DPYSL2: variants seen among roughly 807,000 people sequenced by gnomAD.
DPYSL2 encodes dihydropyrimidinase-related protein 2.
A neutral mutation model predicts 69.9 loss-of-function variants in DPYSL2; 13 were observed. That is an observed-to-expected ratio of 0.19 (90% CI 0.12 to 0.30). The LOEUF (loss-of-function observed/expected upper bound fraction) is 0.30, where lower values mean the gene tolerates loss of function less well. Ranked by LOEUF, DPYSL2 falls within the 10% of genes least tolerant of loss-of-function variation. DPYSL2 has a pLI of 1.00. For missense variants in DPYSL2, 587 were observed against 918.9 expected (o/e 0.64, Z 4.67); for synonymous variants, 326 against 359.1 (o/e 0.91, Z 1.04).
In DPYSL2 at chr8:26,622,090, T is replaced by TTCCTTCC. The variant is rs1563413218; in HGVS notation, c.629-2052_629-2051insCCTTCCT. ...TTTCTTTTTTTTCTTTCTTTCTTTC[T>TTCCTTCC]TTCCTTCCTTCCTTCCTTCCTTCCT... is the stretch of plus-strand genomic sequence containing the variant. On this transcript the variant is annotated intron_variant, in intron 3 of 13. Coordinates refer to ENST00000521913, the MANE Select transcript of DPYSL2 (RefSeq NM_001197293.3). Among the ~76,000 whole-genome samples the TTCCTTCC allele has an allele frequency of 4.6e-3, 294 of 64,438 alleles. 3 individuals are homozygous for TTCCTTCC. The highest frequency in any genetic ancestry group is 0.012 in the East Asian group (25 of 2,062). 42.3% of individuals were successfully genotyped at this position (64,438 alleles called of 152,430 possible).
At chr8:26,549,643 G>C (rs1207177828) in intron 1 of DPYSL2, among the ~76,000 whole-genome samples, 1 of 152,106 alleles carries the variant, frequency 6.6e-6, no homozygotes, top group Admixed American at 6.6e-5. Context: ...GAAAATCAAA[G>C]ACAGAAAGAA....
rs753304614 is a variant in DPYSL2, at chr8:26,582,220, G to A, written c.443+163G>A. 6.6e-6 allele frequency among the ~76,000 whole-genome samples: 1 copy of A among 152,156 alleles called. No homozygotes were observed. Among genetic ancestry groups the A allele is most frequent in the African/African-American group, 2.4e-5 (1 of 41,426 alleles). On this transcript the variant is annotated intron_variant, in intron 2 of 13. Coordinates refer to ENST00000521913, the MANE Select transcript of DPYSL2 (RefSeq NM_001197293.3). This position sits in a 1 kb window ranked among gnomAD's most constrained non-coding sequence, Gnocchi z 4.1. ...TTGATTGGTGGTAATTAGTGAATTT[G>A]AAAACTCAAATTTAGGGAATTCAAA...
chr8:26,559,195 C>A (rs528085731), intron 1 of DPYSL2, among the ~76,000 whole-genome samples: 1 of 152,182 alleles, frequency 6.6e-6, no homozygotes, highest in Admixed American at 6.5e-5. Flanking sequence ...CACTCGCCTC[C>A]GCCTCCCAAA....
Position 26,640,598 on chromosome 8 carries a change from C to CAG in DPYSL2, c.1127-2837_1127-2836dup, listed in dbSNP as rs1461378315. Among the ~76,000 whole-genome samples, 1 of 152,112 alleles carries CAG rather than the reference C, an allele frequency of 6.6e-6. No individual in the cohort carries two copies. Reference sequence around the variant, plus strand: ...GCTCCAGACCACTGGGGATGGGAGGCAGAGACTCTATGTATAGATCATACT... The same window carrying CAG: ...GCTCCAGACCACTGGGGATGGGAGGCAGAGAGACTCTATGTATAGATCATACT... On this transcript the variant is annotated intron_variant, in intron 8 of 13. Coordinates refer to ENST00000521913, the MANE Select transcript of DPYSL2 (RefSeq NM_001197293.3). The surrounding 1 kb of genome is among the most constrained non-coding windows in gnomAD (Gnocchi z 4.2).
Position 26,654,378 on chromosome 8 carries a change from G to T in DPYSL2, c.1942+981G>T, listed in dbSNP as rs961299605. 1.3e-5 allele frequency among the ~76,000 whole-genome samples: 2 copies of T among 151,710 alleles called. No homozygotes were observed. The highest frequency in any genetic ancestry group is 4.8e-5 in the African/African-American group (2 of 41,254). ...ACATTCCACTCTTCCAGCTCCCTGG[G>T]CCACAGATTCCTATGGCGTATTAAA... is the stretch of plus-strand genomic sequence containing the variant. On this transcript the variant is annotated intron_variant, in intron 13 of 13. Transcript: ENST00000521913. The surrounding 1 kb of genome is among the most constrained non-coding windows in gnomAD (Gnocchi z 5.0).
chr8:26,543,584 T>C (rs1421237814), intron 1 of DPYSL2, among the ~76,000 whole-genome samples: 3 of 150,174 alleles, frequency 2.0e-5, no homozygotes, highest in Non-Finnish European at 3.0e-5. Context: ...GCCTCCAGGG[T>C]TCAAGCGATT....
intron 3 of DPYSL2, among the ~76,000 whole-genome samples, chr8:26,607,963 G>C (rs893276886): frequency 1.3e-5 from 2 of 151,598 alleles, no homozygotes; most frequent in African/African-American, 4.8e-5. Context: ...TGTAGTCCTA[G>C]CTACTCAAGA....
chr8:26,594,258 G>A (rs1246200861), intron 3 of DPYSL2, among the ~76,000 whole-genome samples: 1 of 152,094 alleles, frequency 6.6e-6, no homozygotes, highest in African/African-American at 2.4e-5. Flanking sequence ...TAATCATTGT[G>A]ACACCTTTGG....
intron 1 of DPYSL2, among the ~76,000 whole-genome samples, chr8:26,526,891 G>A (rs920664197): frequency 5.3e-5 from 8 of 152,116 alleles, no homozygotes; most frequent in African/African-American, 1.9e-4. Context: ...GGAAGTGAGG[G>A]TGTCCTCTGG....
chr8:26,635,238 C>A (rs1445523249), intron 8 of DPYSL2, among the ~76,000 whole-genome samples: 1 of 152,202 alleles, frequency 6.6e-6, no homozygotes, highest in African/African-American at 2.4e-5. Flanking sequence ...TTCCATCCGC[C>A]CCAGAATCCT....
chr8:26,652,149 C>T lies in DPYSL2; in HGVS notation c.1597-108C>T, dbSNP rs1291913339. On this transcript the variant is annotated intron_variant, in intron 11 of 13. Transcript: ENST00000521913. The surrounding 1 kb of genome is among the most constrained non-coding windows in gnomAD (Gnocchi z 6.3). ...TGCCCAGTTGGGACAGGATCCCTGT[C>T]TCTGAGTCTCTCTTTTGTCTCTGTG... is the stretch of plus-strand genomic sequence containing the variant. The T allele has an allele frequency of 9.1e-7, 1 of 1,103,436 alleles. No homozygotes were observed. Among genetic ancestry groups the T allele is most frequent in the African/African-American group, 1.6e-5 (1 of 62,856 alleles). 68.4% of individuals were successfully genotyped at this position (1,103,436 alleles called of 1,614,324 possible).
At chr8:26,606,846 G>A (rs996741361) in intron 3 of DPYSL2, among the ~76,000 whole-genome samples, 2 of 152,108 alleles carry the variant, frequency 1.3e-5, no homozygotes, top group Admixed American at 6.5e-5. Flanking sequence ...TCAATTCTGA[G>A]GGGGGAAGAA....
intron 1 of DPYSL2, among the ~76,000 whole-genome samples, chr8:26,515,224 A>AC (rs976788159): frequency 3.6e-4 from 54 of 151,708 alleles, no homozygotes; most frequent in African/African-American, 6.5e-4. Context: ...CGCCCCCCGG[A>AC]CCCCCTCCGA....
chr8:26,555,960 TA>T (rs1800939902), intron 1 of DPYSL2, among the ~76,000 whole-genome samples: 1 of 122,536 alleles, frequency 8.2e-6, no homozygotes. Context: ...ATACATGTAT[TA>T]TATATTATAT....
intron 1 of DPYSL2, among the ~76,000 whole-genome samples, chr8:26,566,674 TTAAC>T (rs1801154380): frequency 6.6e-6 from 1 of 152,096 alleles, no homozygotes; most frequent in Non-Finnish European, 1.5e-5. Context: ...TCTAGAAACT[TTAAC>T]TAAATGGACG....
At chr8:26,581,840 C>G in intron 1 of DPYSL2, 129 bp from the exon 2 acceptor site, 2 of 720,924 alleles carry the variant, frequency 2.8e-6, no homozygotes, top group Non-Finnish European at 4.7e-6. Context: ...TGTCACTGAA[C>G]CTTTCCAAAA....
At position 26,598,886 on chromosome 8, in the gene DPYSL2, G is replaced by A. The variant is rs1801927765; in HGVS notation, c.628+14903G>A. 6.6e-6 allele frequency among the ~76,000 whole-genome samples: 1 copy of A among 152,218 alleles called. No individual in the cohort carries two copies. The highest frequency in any genetic ancestry group is 1.5e-5 in the Non-Finnish European group (1 of 68,038). Reference sequence around the variant, plus strand: ...GTGGCACTCGGGCAGGACGGGGGCTGCTTCTGTGCCTTTTCCCCACTGTGC... The same window carrying A: ...GTGGCACTCGGGCAGGACGGGGGCTACTTCTGTGCCTTTTCCCCACTGTGC... On this transcript the variant is annotated intron_variant, in intron 3 of 13. Transcript: ENST00000521913. The surrounding 1 kb of genome is among the most constrained non-coding windows in gnomAD (Gnocchi z 4.2).
At position 26,586,253 on chromosome 8, in the gene DPYSL2, CTG is replaced by C. The variant is rs1801600901; in HGVS notation, c.628+2274_628+2275del. On this transcript the variant is annotated intron_variant, in intron 3 of 13. Transcript: ENST00000521913. The surrounding 1 kb of genome is among the most constrained non-coding windows in gnomAD (Gnocchi z 4.7). ...TGTGACCTTGAGTCACTACCCTACTCTGTGTTCTAGCTGTGTGTCTCCAGTGA... is the reference window on the plus strand; with the variant it reads ...TGTGACCTTGAGTCACTACCCTACTCTGTTCTAGCTGTGTGTCTCCAGTGA... Among the ~76,000 whole-genome samples, 1 of 152,206 alleles carries C rather than the reference CTG, an allele frequency of 6.6e-6. No homozygotes were observed. Among genetic ancestry groups the C allele is most frequent in the African/African-American group, 2.4e-5 (1 of 41,440 alleles).
In DPYSL2 at chr8:26,640,696, A is replaced by G. The variant is rs184462186; in HGVS notation, c.1127-2743A>G. Among the ~76,000 whole-genome samples the G allele has an allele frequency of 6.2e-4, 94 of 152,274 alleles. 2 individuals carry two copies. In the East Asian group the frequency reaches 0.013, roughly 20 times the overall value. ...GATTCTGGGCTAAGAAAGAAAGAAA[A>G]TCCAAAAGACAGCAAGGACCTCTGA... On this transcript the variant is annotated intron_variant, in intron 8 of 13. Coordinates refer to ENST00000521913, the MANE Select transcript of DPYSL2 (RefSeq NM_001197293.3). This position sits in a 1 kb window ranked among gnomAD's most constrained non-coding sequence, Gnocchi z 4.2.
Sources: gnomAD v4.1 joint callset for allele counts (sites outside exome capture counted in the v4.1 genomes callset) on GRCh38, gnomAD v4.1.1 for gene constraint, Gnocchi (gnomAD v3.1) non-coding constraint, MANE v1.5 for transcripts, NCBI Gene and HGNC (gene_info 2026-07-23, HGNC 2026-07-21) for gene names.